PRUNE2: variants seen among roughly 807,000 people sequenced by gnomAD.
The protein encoded by PRUNE2 is prune homolog 2 with BCH domain, also known as protein prune homolog 2.
PRUNE2 carries 164 observed loss-of-function variants against 252.0 expected under a neutral mutation model. That is an observed-to-expected ratio of 0.65 (90% CI 0.57 to 0.74). PRUNE2 has a LOEUF of 0.74. PRUNE2 is among the 30% of genes least tolerant of loss of function. The pLI, the probability that PRUNE2 is intolerant of heterozygous loss-of-function variation, is 0.00. For synonymous variants in PRUNE2, 1,292 were observed against 1,350.2 expected (o/e 0.96, Z 0.94); for missense variants, 3,495 against 3,711.0 (o/e 0.94, Z 1.51).
At chr9:76,832,482 T>C (rs2058722133) in intron 4 of PRUNE2, among the ~76,000 whole-genome samples, 1 of 152,112 alleles carries the variant, frequency 6.6e-6, no homozygotes, top group African/African-American at 2.4e-5. Flanking sequence ...ATATAACTCA[T>C]GGTAAAAGAA....
intron 1 of PRUNE2, among the ~76,000 whole-genome samples, chr9:76,886,272 A>C (rs1355416854): frequency 1.3e-5 from 2 of 152,224 alleles, no homozygotes; most frequent in African/African-American, 4.8e-5. Context: ...ATTTATGAAT[A>C]AACCAAGACC....
intron 9 of PRUNE2, among the ~76,000 whole-genome samples, chr9:76,666,486 A>G (rs1407013327): frequency 1.3e-5 from 2 of 152,184 alleles, no homozygotes; most frequent in African/African-American, 4.8e-5. Flanking sequence ...TGAAAGTACT[A>G]AAAGTCTCTG....
chr9:76,706,484 T>G lies in PRUNE2; in HGVS notation c.5790A>C (p.Gln1930His), dbSNP rs776300637. ...GCTCTCTTGAGTCCTTTTCTTTAAT[T>G]TGGTCTAATTTTACAAGCTGGCTGA... Reference protein sequence around the residue: ...DKFSQLVKLDQIKEKDSREQT... With the variant: ...DKFSQLVKLDHIKEKDSREQT... Residue 1930 changes from glutamine to histidine, a missense_variant, in exon 8 of 19, where the codon CAA becomes CAC. Gln to His is a conservative substitution (Grantham distance 24, BLOSUM62 0). Coordinates refer to ENST00000376718, the MANE Select transcript of PRUNE2 (RefSeq NM_015225.3). 1 of 1,613,914 alleles carries G rather than the reference T, an allele frequency of 6.2e-7. No individual in the cohort carries two copies. The highest frequency in any genetic ancestry group is 1.1e-5 in the South Asian group (1 of 91,074).
chr9:76,645,171 G>C (rs763143803), intron 11 of PRUNE2: 9 of 351,310 alleles, frequency 2.6e-5, no homozygotes, highest in Non-Finnish European at 4.2e-5. Flanking sequence ...CCATGCTGAG[G>C]GGGAGACTAG....
intron 9 of PRUNE2, among the ~76,000 whole-genome samples, chr9:76,688,105 C>T (rs1423553784): frequency 2.0e-5 from 3 of 152,166 alleles, no homozygotes; most frequent in African/African-American, 7.2e-5. Flanking sequence ...AACATTTGGC[C>T]TCACCCCTGC....
At chr9:76,628,280 T>C (rs1835833503) in intron 16 of PRUNE2, among the ~76,000 whole-genome samples, 1 of 152,196 alleles carries the variant, frequency 6.6e-6, no homozygotes, top group Non-Finnish European at 1.5e-5. Context: ...TATCCTAGTT[T>C]TTGTAGCATC....
intron 6 of PRUNE2, among the ~76,000 whole-genome samples, chr9:76,732,784 G>A (rs1305535678): frequency 6.6e-6 from 1 of 152,154 alleles, no homozygotes; most frequent in Admixed American, 6.5e-5. Context: ...TAGACCTCCA[G>A]CAGCCACTGG....
chr9:76,686,048 T>C (rs541766470), intron 9 of PRUNE2, among the ~76,000 whole-genome samples: 12 of 152,342 alleles, frequency 7.9e-5, no homozygotes, highest in Admixed American at 5.2e-4. Flanking sequence ...AAGACTTGAT[T>C]AATTTCATAC....
rs374655829 is a variant in PRUNE2, at chr9:76,710,351, T to A, written c.1923A>T (p.Thr641=). Residue 641 remains threonine, a synonymous_variant, in exon 8 of 19, where the codon ACA becomes ACT. Transcript: ENST00000376718. ...TEDMTQKATD[T]GHMGPPQTHA... ...GGGTCTGAGGTGGCCCCATGTGACCTGTGTCAGTTGCTTTTTGGGTCATAT... is the reference window on the plus strand; with the variant it reads ...GGGTCTGAGGTGGCCCCATGTGACCAGTGTCAGTTGCTTTTTGGGTCATAT... The A allele has an allele frequency of 3.5e-5, 57 of 1,613,908 alleles. No homozygotes were observed. Among genetic ancestry groups the A allele is most frequent in the Non-Finnish European group, 4.5e-5 (53 of 1,179,908 alleles).
intron 6 of PRUNE2, among the ~76,000 whole-genome samples, chr9:76,793,012 T>C (rs2055704946): frequency 1.3e-5 from 2 of 152,212 alleles, no homozygotes; most frequent in Admixed American, 6.5e-5. Context: ...AAACTGATGC[T>C]TAGGGCTAAA....
At chr9:76,768,583 ATG>A (rs55793596) in intron 6 of PRUNE2, among the ~76,000 whole-genome samples, 30,560 of 102,832 alleles carry the variant, frequency 0.3, 3,301 homozygotes, top group African/African-American at 0.34. Flanking sequence ...ATGTATATGT[ATG>A]TGTGTGTGTG....
chr9:76,709,389 G>C lies in PRUNE2; in HGVS notation c.2885C>G (p.Pro962Arg), dbSNP rs755550155. 1 of 1,613,992 alleles carries C rather than the reference G, an allele frequency of 6.2e-7. No individual in the cohort carries two copies. The highest frequency in any genetic ancestry group is 8.5e-7 in the Non-Finnish European group (1 of 1,179,874). ...TGAGGTGGAATAATTGGTATCTAAG[G>C]GGGAAGGCACCGAATCTTCTCCTAG... Reference protein sequence around the residue: ...SNLGEDSVPSPLDTNYSTSDS... With the variant: ...SNLGEDSVPSRLDTNYSTSDS... The change falls in exon 8 of 19, where the codon CCC becomes CGC. Residue 962 changes from proline to arginine, a missense_variant. Coordinates refer to ENST00000376718, the MANE Select transcript of PRUNE2 (RefSeq NM_015225.3).
intron 13 of PRUNE2, 128 bp downstream of exon 13, chr9:76,638,058 C>A: frequency 1.5e-6 from 1 of 655,680 alleles, no homozygotes; most frequent in South Asian, 1.8e-5. Flanking sequence ...TTGACAGAAA[C>A]CTTACTGACT....
chr9:76,730,603 AATAAAAG>A (rs1470958871), intron 6 of PRUNE2, among the ~76,000 whole-genome samples: 1 of 152,192 alleles, frequency 6.6e-6, no homozygotes, highest in African/African-American at 2.4e-5. Context: ...CTACCCCTGA[AATAAAAG>A]ATGAAAGAGG....
chr9:76,631,481 T>C (rs893155740), intron 15 of PRUNE2, among the ~76,000 whole-genome samples: 1 of 152,194 alleles, frequency 6.6e-6, no homozygotes, highest in African/African-American at 2.4e-5. Context: ...ATTATCAGCT[T>C]TCACTCTCTA....
At chr9:76,633,147 G>GGGAGGC (rs993060585) in intron 15 of PRUNE2, among the ~76,000 whole-genome samples, 15 of 152,256 alleles carry the variant, frequency 9.9e-5, no homozygotes, top group African/African-American at 3.6e-4. Flanking sequence ...GCTTGAACCT[G>GGGAGGC]GGAGGCGGAG....
intron 6 of PRUNE2, among the ~76,000 whole-genome samples, chr9:76,715,492 T>G: frequency 6.6e-6 from 1 of 152,200 alleles, no homozygotes; most frequent in Non-Finnish European, 1.5e-5. Flanking sequence ...TGCAAGGAAT[T>G]GCACATACGA....
chr9:76,651,747 T>C (rs1471772677), intron 11 of PRUNE2, among the ~76,000 whole-genome samples: 1 of 152,226 alleles, frequency 6.6e-6, no homozygotes, highest in Admixed American at 6.5e-5. Flanking sequence ...TCTTCTTTTT[T>C]ATCATTTCTC....
At chr9:76,767,051 G>A (rs1024326409) in intron 6 of PRUNE2, among the ~76,000 whole-genome samples, 1 of 152,098 alleles carries the variant, frequency 6.6e-6, no homozygotes, top group African/African-American at 2.4e-5. Flanking sequence ...GCTGTATTCT[G>A]GTATAGCGTC....
Sources: allele counts gnomAD v4.1 joint callset (sites outside exome capture counted in the v4.1 genomes callset), GRCh38; gene constraint gnomAD v4.1.1; transcripts MANE v1.5; gene names NCBI Gene and HGNC (gene_info 2026-07-23, HGNC 2026-07-21).